PSD3: variants seen among roughly 807,000 people sequenced by gnomAD.
The protein encoded by PSD3 is pleckstrin and Sec7 domain containing 3.
PSD3 carries 49 observed loss-of-function variants against 105.5 expected under a neutral mutation model. The observed-to-expected ratio is 0.46, with a 90% CI of 0.37 to 0.59. The LOEUF is 0.59. Among genes scored for constraint, PSD3 ranks in the 20% least tolerant of loss-of-function variants. The pLI, the probability that PSD3 is intolerant of heterozygous loss-of-function variation, is 0.00. For synonymous variants in PSD3, 557 were observed against 457.8 expected, an observed-to-expected ratio of 1.22 and a Z score of -2.77; for missense variants, 1,561 against 1,263.8, an observed-to-expected ratio of 1.24 and a Z score of -3.57.
At chr8:18,622,655 T>G (rs113099611) in intron 11 of PSD3, among the ~76,000 whole-genome samples, 42 of 152,204 alleles carry the variant, frequency 2.8e-4, no homozygotes, top group Non-Finnish European at 5.0e-4. Flanking sequence ...TACATATGAA[T>G]GGTGAAATAA....
intron 1 of PSD3, among the ~76,000 whole-genome samples, chr8:18,941,551 T>C (rs1011523370): frequency 1.3e-5 from 2 of 152,166 alleles, no homozygotes; most frequent in African/African-American, 2.4e-5. Flanking sequence ...AACCTTACAT[T>C]TGATATGACT....
At chr8:18,955,400 G>C (rs758315231) in intron 1 of PSD3, among the ~76,000 whole-genome samples, 2 of 152,092 alleles carry the variant, frequency 1.3e-5, no homozygotes, top group Non-Finnish European at 2.9e-5. Context: ...CACAGGGCCT[G>C]TCTTTGTCTA....
intron 6 of PSD3, among the ~76,000 whole-genome samples, chr8:18,803,592 G>A (rs1210933085): frequency 1.3e-5 from 2 of 151,922 alleles, no homozygotes; most frequent in Non-Finnish European, 2.9e-5. Context: ...CCCATAATGG[G>A]GTATTACTCA....
At chr8:18,794,062 G>T in intron 8 of PSD3, among the ~76,000 whole-genome samples, 1 of 40,346 alleles carries the variant, frequency 2.5e-5, no homozygotes, top group East Asian at 3.4e-4. Flanking sequence ...TTGAGATTCT[G>T]TTAATCTATA....
intron 1 of PSD3, among the ~76,000 whole-genome samples, chr8:18,957,452 C>A (rs774095862): frequency 6.6e-6 from 1 of 151,984 alleles, no homozygotes; most frequent in Non-Finnish European, 1.5e-5. Context: ...CTCAGGCAAA[C>A]AGTGAAAGGT....
rs373970129 is a variant in PSD3 at position 18,969,469 on chromosome 8, A to G, written c.22-33327T>C. Reference sequence around the variant, plus strand: ...GTTCTGGGTGACAGGGGACTCTGTAATGACAGACAATGTATGCATGTTTTA... The same window carrying G: ...GTTCTGGGTGACAGGGGACTCTGTAGTGACAGACAATGTATGCATGTTTTA... On this transcript the variant is annotated intron_variant, in intron 1 of 15. Transcript: ENST00000327040. Among the ~76,000 whole-genome samples the G allele has an allele frequency of 3.9e-5, 6 of 152,236 alleles. No homozygotes were observed. In the East Asian group the frequency reaches 9.6e-4, roughly 24 times the overall value.
chr8:19,051,441 A>G (rs1022743093), intron 1 of PSD3, among the ~76,000 whole-genome samples: 2 of 152,172 alleles, frequency 1.3e-5, no homozygotes, highest in African/African-American at 4.8e-5. Flanking sequence ...CCATGAATGC[A>G]GTTTCTTAGG....
chr8:18,890,149 A>G (rs1050963807), intron 2 of PSD3, among the ~76,000 whole-genome samples: 25 of 152,194 alleles, frequency 1.6e-4, no homozygotes, highest in African/African-American at 6.0e-4. Flanking sequence ...GGATCCACGT[A>G]GGAGACAATA....
intron 6 of PSD3, chr8:18,804,255 A>G: frequency 3.1e-6 from 1 of 318,110 alleles, no homozygotes. Flanking sequence ...GTGCTGAAAT[A>G]AGGTTCAAAG....
chr8:18,736,987 T>TA (rs917684965), intron 9 of PSD3, among the ~76,000 whole-genome samples: 10 of 152,116 alleles, frequency 6.6e-5, no homozygotes, highest in South Asian at 2.1e-4. Context: ...CTAGATGACA[T>TA]AAAAAAATCT....
At chr8:18,949,849 A>G (rs188636020) in intron 1 of PSD3, among the ~76,000 whole-genome samples, 1 of 148,320 alleles carries the variant, frequency 6.7e-6, no homozygotes, top group African/African-American at 2.5e-5. Context: ...GAATAACACT[A>G]TCTCTCGTCT....
intron 15 of PSD3, among the ~76,000 whole-genome samples, chr8:18,550,095 A>G (rs1800673406): frequency 1.3e-5 from 2 of 152,190 alleles, no homozygotes; most frequent in South Asian, 2.1e-4. Flanking sequence ...CCTTTACCCA[A>G]TAGAGTGACC....
At chr8:18,650,724 C>A (rs928375112) in intron 10 of PSD3, among the ~76,000 whole-genome samples, 1 of 152,202 alleles carries the variant, frequency 6.6e-6, no homozygotes, top group Non-Finnish European at 1.5e-5. Context: ...AATAAATGAT[C>A]CTTGCTACTA....
rs566643301 is a variant in PSD3 at position 18,699,094 on chromosome 8, T to C, written c.2173-43409A>G. 5.5e-4 allele frequency among the ~76,000 whole-genome samples: 84 copies of C among 152,266 alleles called. 1 individual carries two copies. Among genetic ancestry groups the C allele is most frequent in the Admixed American group, 1.8e-3 (27 of 15,286 alleles). On this transcript the variant is annotated intron_variant, in intron 9 of 15. Coordinates refer to ENST00000327040, the MANE Select transcript of PSD3 (RefSeq NM_015310.4). Reference sequence around the variant, plus strand: ...TTCTTCCTCCCATGGTACAGGGTTGTTTCTGGGAACATCCAGAGACTGCTT... The same window carrying C: ...TTCTTCCTCCCATGGTACAGGGTTGCTTCTGGGAACATCCAGAGACTGCTT...
intron 4 of PSD3, among the ~76,000 whole-genome samples, chr8:18,822,838 C>T (rs921316766): frequency 2.0e-5 from 3 of 152,144 alleles, no homozygotes; most frequent in Non-Finnish European, 4.4e-5. Context: ...ATAAAAAAAT[C>T]CATGTCAGAT....
chr8:18,819,370 T>A (rs1173569704), intron 4 of PSD3, among the ~76,000 whole-genome samples: 4 of 151,942 alleles, frequency 2.6e-5, no homozygotes. Context: ...TGAGCCTTCA[T>A]GAAGGGAGGG....
At chr8:18,896,653 T>A (rs1432265513) in intron 2 of PSD3, among the ~76,000 whole-genome samples, 2 of 152,112 alleles carry the variant, frequency 1.3e-5, no homozygotes, top group Non-Finnish European at 2.9e-5. Flanking sequence ...GCTCAAGCCA[T>A]CTGCCCACCT....
intron 1 of PSD3, among the ~76,000 whole-genome samples, chr8:19,076,826 C>T (rs749450143): frequency 3.9e-5 from 6 of 152,010 alleles, no homozygotes; most frequent in Non-Finnish European, 8.8e-5. Flanking sequence ...TAGAGCTATA[C>T]AGCTACTGGT....
chr8:18,649,679 C>A (rs1808325798), intron 10 of PSD3, among the ~76,000 whole-genome samples: 1 of 152,174 alleles, frequency 6.6e-6, no homozygotes, highest in Non-Finnish European at 1.5e-5. Flanking sequence ...TGGATCTGTG[C>A]TCCCACACAA....
Sources: gnomAD v4.1 joint callset for allele counts (sites outside exome capture counted in the v4.1 genomes callset) on GRCh38, gnomAD v4.1.1 for gene constraint, MANE v1.5 for transcripts, NCBI Gene and HGNC (gene_info 2026-07-23, HGNC 2026-07-21) for gene names.